The following OSBPL9 variants were observed in gnomAD, a reference collection of about 807,000 sequenced individuals.
OSBPL9 encodes oxysterol-binding protein-related protein 9.
In OSBPL9, 40 loss-of-function variants were observed where a neutral mutation model predicts 106.6. The ratio of observed to expected loss-of-function variants is 0.38; its 90% CI spans 0.29 to 0.49. OSBPL9 has a LOEUF of 0.49. Ranked by LOEUF, OSBPL9 falls within the 20% of genes least tolerant of loss-of-function variation. OSBPL9 has a pLI of 0.97. For synonymous variants in OSBPL9, 269 were observed against 295.4 expected (o/e 0.91, Z 0.92); for missense variants, 609 against 887.2 (o/e 0.69, Z 3.98).
chr1:51,572,577 G>T (rs940173503), upstream of OSBPL9, among the ~76,000 whole-genome samples: 3 of 152,084 alleles, frequency 2.0e-5, no homozygotes, highest in Non-Finnish European at 4.4e-5. Flanking sequence ...ATCCTAGGGG[G>T]TTGGGGAAAG....
In OSBPL9 at chr1:51,686,520, T is replaced by G. The variant is rs970392845; in HGVS notation, c.241+17008T>G. ...CTTCCTACACTGACTGTATTAGCAA[T>G]GTTTTCATGCTGTCAGGTGGTTTTG... On this transcript the variant is annotated intron_variant, in intron 3 of 23. Transcript: ENST00000428468. Among the ~76,000 whole-genome samples, 5 of 152,390 alleles carry G rather than the reference T, an allele frequency of 3.3e-5. No homozygotes were observed. The East Asian group carries it at 9.6e-4, about 29-fold the overall frequency.
At chr1:51,693,165 G>T (rs954769684) in intron 3 of OSBPL9, among the ~76,000 whole-genome samples, 3 of 151,948 alleles carry the variant, frequency 2.0e-5, no homozygotes, top group Middle Eastern at 3.2e-3. Flanking sequence ...GTTGAGCCCA[G>T]GATGTCAAGA....
intron 9 of OSBPL9, among the ~76,000 whole-genome samples, chr1:51,757,488 A>G (rs1670593085): frequency 6.6e-6 from 1 of 151,800 alleles, no homozygotes; most frequent in African/African-American, 2.4e-5. Context: ...TGTTATTTTT[A>G]TCTCTTTTCC....
intron 3 of OSBPL9, among the ~76,000 whole-genome samples, chr1:51,686,748 C>A (rs552063593): frequency 3.9e-5 from 6 of 152,140 alleles, no homozygotes; most frequent in Non-Finnish European, 8.8e-5. Context: ...GGATGCTCCC[C>A]GTATGGATTT....
At chr1:51,661,846 A>ATGG (rs1321914318) in intron 2 of OSBPL9, among the ~76,000 whole-genome samples, 1 of 152,198 alleles carries the variant, frequency 6.6e-6, no homozygotes, top group Non-Finnish European at 1.5e-5. Context: ...TGTGCAAAAA[A>ATGG]TGGTGGTAGG....
the OSBPL9 span, among the ~76,000 whole-genome samples, chr1:51,526,175 C>T: frequency 6.6e-6 from 1 of 152,222 alleles, no homozygotes; most frequent in Non-Finnish European, 1.5e-5. Flanking sequence ...CTGCACTCTG[C>T]CTGAATGTTC....
At chr1:51,645,034 C>T (rs1455599517) in intron 1 of OSBPL9, among the ~76,000 whole-genome samples, 1 of 152,150 alleles carries the variant, frequency 6.6e-6, no homozygotes, top group Non-Finnish European at 1.5e-5. Flanking sequence ...CAGATCAACG[C>T]CATCACAAAA....
At chr1:51,545,387 G>A in the OSBPL9 span, among the ~76,000 whole-genome samples, 534 of 152,148 alleles carry the variant, frequency 3.5e-3, 1 homozygote, top group Non-Finnish European at 6.5e-3. Context: ...CAAACATGGC[G>A]AAACTCTGTC....
At chr1:51,782,161 A>G (rs6678750) in intron 16 of OSBPL9, among the ~76,000 whole-genome samples, 8,681 of 152,080 alleles carry the variant, frequency 0.057, 472 homozygotes, top group African/African-American at 0.14. Context: ...TTTAAGAAGT[A>G]AAAAAAACAA....
intron 4 of OSBPL9, chr1:51,730,097 C>A (rs1017110649): frequency 7.2e-6 from 9 of 1,256,392 alleles, no homozygotes; most frequent in Non-Finnish European, 9.1e-6. Context: ...GTCGTGCTCA[C>A]CCTGCCTCCT....
chr1:51,777,370 A>T (rs1444780085), intron 15 of OSBPL9, among the ~76,000 whole-genome samples: 2 of 152,236 alleles, frequency 1.3e-5, no homozygotes, highest in Admixed American at 6.5e-5. Context: ...ATTATAGATG[A>T]TTTATAAATT....
At position 51,729,813 on chromosome 1, in the gene OSBPL9, G is replaced by A; in HGVS notation, c.319-15723G>A. 1 of 1,230,676 alleles carries A rather than the reference G, an allele frequency of 8.1e-7. No homozygotes were observed. 76.2% of individuals were successfully genotyped at this position (1,230,676 alleles called of 1,614,324 possible). A position where few individuals can be genotyped will look rare whatever the true frequency, so the allele number is the denominator to read the frequency against. On this transcript the variant is annotated intron_variant, in intron 4 of 23. Coordinates refer to ENST00000428468, the MANE Select transcript of OSBPL9 (RefSeq NM_024586.6). This position sits in a 1 kb window ranked among gnomAD's most constrained non-coding sequence, Gnocchi z 5.1. ...GGAGGGGACGGGAAAGGGGTGGGGGGTGAAGGGGGTGAAGGGGGTGTCCCG... is the reference window on the plus strand; with the variant it reads ...GGAGGGGACGGGAAAGGGGTGGGGGATGAAGGGGGTGAAGGGGGTGTCCCG...
the OSBPL9 span, chr1:51,567,872 C>T: frequency 6.6e-6 from 1 of 152,172 alleles, no homozygotes. Flanking sequence ...AGCATAATTT[C>T]ACATAGCTTT....
intron 3 of OSBPL9, among the ~76,000 whole-genome samples, chr1:51,671,514 C>T (rs1018411278): frequency 6.6e-6 from 1 of 152,036 alleles, no homozygotes; most frequent in African/African-American, 2.4e-5. Context: ...TTTATTCATT[C>T]AACATCTATT....
the OSBPL9 span, among the ~76,000 whole-genome samples, chr1:51,542,629 CTACTT>C: frequency 6.6e-6 from 1 of 152,208 alleles, no homozygotes; most frequent in African/African-American, 2.4e-5. Context: ...GCCAGGCACT[CTACTT>C]TATACATACT....
chr1:51,689,052 C>G (rs1490880125), intron 3 of OSBPL9, among the ~76,000 whole-genome samples: 2 of 152,140 alleles, frequency 1.3e-5, no homozygotes, highest in Admixed American at 1.3e-4. Flanking sequence ...GCAGAAATAC[C>G]TTCACTCTAC....
intron 2 of OSBPL9, among the ~76,000 whole-genome samples, chr1:51,601,236 G>A (rs1295948397): frequency 6.6e-6 from 1 of 152,202 alleles, no homozygotes; most frequent in Non-Finnish European, 1.5e-5. Context: ...CATAAATTAT[G>A]CACTAAGGCC....
chr1:51,581,106 A>G (rs1431749719), intron 1 of OSBPL9, among the ~76,000 whole-genome samples: 1 of 129,314 alleles, frequency 7.7e-6, no homozygotes, highest in African/African-American at 3.1e-5. Context: ...TTTTTTTTTT[A>G]TAGAGATGGG....
chr1:51,665,368 T>A (rs1356438444), intron 2 of OSBPL9, among the ~76,000 whole-genome samples: 1 of 152,174 alleles, frequency 6.6e-6, no homozygotes, highest in Non-Finnish European at 1.5e-5. Flanking sequence ...GGTCTTGAAC[T>A]CCCGACCTCA....
Sources: allele counts gnomAD v4.1 joint callset (sites outside exome capture counted in the v4.1 genomes callset), GRCh38; gene constraint gnomAD v4.1.1; non-coding constraint Gnocchi (gnomAD v3.1); transcripts MANE v1.5; gene names NCBI Gene and HGNC (gene_info 2026-07-23, HGNC 2026-07-21).